The following PALLD variants were observed in gnomAD, a reference collection of about 807,000 sequenced individuals.
The protein encoded by PALLD is palladin.
Under a neutral mutation model 123.5 loss-of-function variants are expected in PALLD, and 61 were observed. The ratio of observed to expected loss-of-function variants is 0.49; its 90% confidence interval spans 0.40 to 0.61. PALLD has a LOEUF of 0.61. Among genes scored for constraint, PALLD ranks in the 20% least tolerant of loss-of-function variants. The pLI, the probability that PALLD is intolerant of heterozygous loss-of-function variation, is 0.00. For synonymous variants in PALLD, 465 were observed against 496.4 expected, an observed-to-expected ratio of 0.94 and a Z score of 0.84; for missense variants, 1,273 against 1,377.0, an observed-to-expected ratio of 0.92 and a Z score of 1.20.
intron 10 of PALLD, among the ~76,000 whole-genome samples, chr4:168,859,747 A>G (rs1007295665): frequency 6.6e-6 from 1 of 152,194 alleles, no homozygotes; most frequent in Non-Finnish European, 1.5e-5. Flanking sequence ...TTTTAGAACT[A>G]GGCCTCAAGG....
intron 10 of PALLD, among the ~76,000 whole-genome samples, chr4:168,842,229 A>G (rs1243070444): frequency 2.0e-5 from 3 of 152,142 alleles, no homozygotes; most frequent in South Asian, 4.1e-4. Context: ...TTAAAAAAAG[A>G]AAAACAATTT....
chr4:168,904,422 T>C (rs1757193064), intron 15 of PALLD, among the ~76,000 whole-genome samples: 1 of 152,212 alleles, frequency 6.6e-6, no homozygotes, highest in Admixed American at 6.5e-5. Flanking sequence ...CAAAATGTTT[T>C]CTCTTGTATT....
chr4:168,551,992 G>C (rs1381171899), intron 2 of PALLD, among the ~76,000 whole-genome samples: 1 of 152,176 alleles, frequency 6.6e-6, no homozygotes, highest in South Asian at 2.1e-4. Context: ...CTTTGGTTTT[G>C]AGGTACTACT....
chr4:168,630,443 G>GA (rs1942279809), intron 2 of PALLD, among the ~76,000 whole-genome samples: 1 of 152,168 alleles, frequency 6.6e-6, no homozygotes, highest in Non-Finnish European at 1.5e-5. Flanking sequence ...TAATAAGGAA[G>GA]AAAAAATTCA....
chr4:168,771,871 G>A (rs559228826), intron 10 of PALLD, among the ~76,000 whole-genome samples: 7 of 152,168 alleles, frequency 4.6e-5, no homozygotes, highest in Non-Finnish European at 7.3e-5. Flanking sequence ...GCGGCATGTC[G>A]TTGTCACTCA....
intron 16 of PALLD, among the ~76,000 whole-genome samples, chr4:168,914,906 G>A (rs1031615580): frequency 6.6e-6 from 1 of 152,210 alleles, no homozygotes; most frequent in Non-Finnish European, 1.5e-5. Context: ...CAGAGCATGT[G>A]TAGATTTAAT....
At chr4:168,849,297 T>A (rs578045016) in intron 10 of PALLD, among the ~76,000 whole-genome samples, 41 of 152,258 alleles carry the variant, frequency 2.7e-4, no homozygotes, top group African/African-American at 9.6e-4. Flanking sequence ...AGACTCAGGG[T>A]TATGTTGTTT....
intron 10 of PALLD, among the ~76,000 whole-genome samples, chr4:168,743,691 T>C (rs1788584994): frequency 6.6e-6 from 1 of 152,118 alleles, no homozygotes; most frequent in Non-Finnish European, 1.5e-5. Flanking sequence ...GATGACTGGG[T>C]CTTTTAACTT....
At chr4:168,556,873 GAA>G (rs1767363437) in intron 2 of PALLD, among the ~76,000 whole-genome samples, 1 of 60,634 alleles carries the variant, frequency 1.6e-5, no homozygotes, top group African/African-American at 6.1e-5. Flanking sequence ...ATGAAGCCTA[GAA>G]GAAGTGGCTA....
chr4:168,812,231 A>G (rs1741272647), intron 10 of PALLD, among the ~76,000 whole-genome samples: 1 of 152,178 alleles, frequency 6.6e-6, no homozygotes. Context: ...GCCTGGAGCC[A>G]ATTAGGATTG....
chr4:168,897,078 G>A (rs1161298654), intron 13 of PALLD, among the ~76,000 whole-genome samples: 3 of 152,138 alleles, frequency 2.0e-5, no homozygotes, highest in East Asian at 1.9e-4. Flanking sequence ...TGATCCACCC[G>A]CCTTGGCTTC....
At chr4:168,542,069 T>C (rs1765669503) in intron 2 of PALLD, among the ~76,000 whole-genome samples, 1 of 152,188 alleles carries the variant, frequency 6.6e-6, no homozygotes, top group Non-Finnish European at 1.5e-5. Flanking sequence ...CAAACTGGTC[T>C]CATCATCACA....
At chr4:168,558,470 C>T (rs766652255) in intron 2 of PALLD, among the ~76,000 whole-genome samples, 1 of 152,154 alleles carries the variant, frequency 6.6e-6, no homozygotes, top group Non-Finnish European at 1.5e-5. Flanking sequence ...TTGGAGATAA[C>T]ACCCCTCCCT....
chr4:168,584,661 T>A (rs1020671291), intron 2 of PALLD, among the ~76,000 whole-genome samples: 11 of 152,214 alleles, frequency 7.2e-5, no homozygotes, highest in African/African-American at 2.7e-4. Flanking sequence ...TCTATTTCAA[T>A]CTGTGGTTTG....
intron 10 of PALLD, among the ~76,000 whole-genome samples, chr4:168,790,416 T>TCCCAAAGTGCTGGGATTA (rs1281783236): frequency 1.3e-5 from 2 of 151,918 alleles, no homozygotes; most frequent in Non-Finnish European, 2.9e-5. Context: ...CACCTCAGTC[T>TCCCAAAGTGCTGGGATTA]CCCAAAGTGC....
At chr4:168,917,196 G>C (rs1047046449) in intron 17 of PALLD, among the ~76,000 whole-genome samples, 1 of 150,950 alleles carries the variant, frequency 6.6e-6, no homozygotes, top group South Asian at 2.1e-4. Context: ...GTACAGGCAC[G>C]CACCACCACG....
chr4:168,731,930 C>T lies in PALLD; in HGVS notation c.1964+20007C>T, dbSNP rs114274328. Among the ~76,000 whole-genome samples the T allele has an allele frequency of 5.5e-3, 835 of 152,288 alleles. 7 individuals carry two copies. Among genetic ancestry groups the T allele is most frequent in the African/African-American group, 0.019 (799 of 41,550 alleles). On this transcript the variant is annotated intron_variant, in intron 10 of 21. Transcript: ENST00000505667. The stretch of plus-strand genomic sequence containing the variant: ...TTTTGTGCAAATTTAGATATGAAAT[C>T]ATGCAGAAAACACTTAACAGACCAC...
chr4:168,732,765 A>G (rs1787308660), intron 10 of PALLD, among the ~76,000 whole-genome samples: 1 of 152,260 alleles, frequency 6.6e-6, no homozygotes, highest in Non-Finnish European at 1.5e-5. Context: ...TCATCAGAAC[A>G]TTAAAATACT....
intron 10 of PALLD, among the ~76,000 whole-genome samples, chr4:168,831,324 G>T (rs1254212921): frequency 6.9e-6 from 1 of 145,928 alleles, no homozygotes; most frequent in Non-Finnish European, 1.5e-5. Flanking sequence ...AGTGACTCAG[G>T]GCCTCCAGTA....
Sources: allele counts gnomAD v4.1 joint callset (sites outside exome capture counted in the v4.1 genomes callset), GRCh38; gene constraint gnomAD v4.1.1; transcripts MANE v1.5; gene names NCBI Gene and HGNC (gene_info 2026-07-23, HGNC 2026-07-21).